Variants in FNDC7 observed in about 807,000 individuals in gnomAD.
The protein encoded by FNDC7 is fibronectin type III domain-containing protein 7.
In FNDC7, 66 loss-of-function variants were observed where a neutral mutation model predicts 74.2. That is an observed-to-expected ratio of 0.89 (90% CI 0.73 to 1.09). The LOEUF is 1.09. FNDC7 is among the 50% of genes least tolerant of loss of function. The pLI, the probability that FNDC7 is intolerant of heterozygous loss-of-function variation, is 0.00. For missense variants in FNDC7, 829 were observed against 893.4 expected (o/e 0.93, Z 0.92); for synonymous variants, 307 against 330.2 (o/e 0.93, Z 0.76).
intron 8 of FNDC7, 100 bp downstream of exon 8, chr1:108,728,986 G>C: frequency 7.1e-7 from 1 of 1,412,992 alleles, no homozygotes; most frequent in East Asian, 2.3e-5. Flanking sequence ...CAGTGCAACA[G>C]AAATACATTA....
chr1:108,727,864 A>T lies in FNDC7; in HGVS notation c.1168A>T (p.Ile390Phe). Residue 390 changes from isoleucine (I) to phenylalanine (F), a missense_variant, in exon 7 of 13, where the codon ATT (isoleucine) becomes TTT (phenylalanine). Ile to Phe is a conservative substitution (Grantham distance 21, BLOSUM62 0). Coordinates refer to ENST00000370017, the MANE Select transcript of FNDC7 (RefSeq NM_001144937.3). ...PVLVSSDRVE[I>F]VWSPVRGAEL... is the part of the protein sequence containing the mutation. ...GTTGGTGTCCAGTGACAGAGTTGAGATTGTCTGGTCTCCTGTCCGTGGTGC... is the reference window on the plus strand; with the variant it reads ...GTTGGTGTCCAGTGACAGAGTTGAGTTTGTCTGGTCTCCTGTCCGTGGTGC... The T allele has an allele frequency of 6.2e-7, 1 of 1,614,008 alleles. No individual in the cohort carries two copies. The highest frequency in any genetic ancestry group is 8.5e-7 in the Non-Finnish European group (1 of 1,180,008).
intron 2 of FNDC7, among the ~76,000 whole-genome samples, chr1:108,715,939 C>T (rs1301019026): frequency 1.3e-5 from 2 of 152,146 alleles, no homozygotes; most frequent in Non-Finnish European, 2.9e-5. Flanking sequence ...CACCACACAA[C>T]CCCGAGTTTC....
Position 108,725,770 on chromosome 1 carries a change from G to T in FNDC7, c.877G>T (p.Val293Leu). Reference sequence around the variant, plus strand: ...CCTAGTTGCTTGTGCACCCGGAAGAGTGACGATCCAAGAAGATCCCCCTGG... The same window carrying T: ...CCTAGTTGCTTGTGCACCCGGAAGATTGACGATCCAAGAAGATCCCCCTGG... Reference protein sequence around the residue: ...LKTVACAPGRVTIQEDPPGHL... With the variant: ...LKTVACAPGRLTIQEDPPGHL... Residue 293 changes from valine (V) to leucine (L), a missense_variant, in exon 6 of 13, where the codon GTG (valine) becomes TTG (leucine). Coordinates refer to ENST00000370017, the MANE Select transcript of FNDC7 (RefSeq NM_001144937.3). The T allele has an allele frequency of 6.2e-7, 1 of 1,614,116 alleles. No individual in the cohort carries two copies. The highest frequency in any genetic ancestry group is 8.5e-7 in the Non-Finnish European group (1 of 1,179,988).
intron 1 of FNDC7, 45 bp from the exon 2 acceptor site, chr1:108,713,466 T>C (rs1460561610): frequency 4.6e-6 from 7 of 1,523,914 alleles, no homozygotes. Flanking sequence ...TTGTTCAAGT[T>C]GTGTTTTTCT....
chr1:108,735,681 C>T (rs1164785012), intron 10 of FNDC7, among the ~76,000 whole-genome samples: 1 of 152,174 alleles, frequency 6.6e-6, no homozygotes, highest in South Asian at 2.1e-4. Context: ...ATTTTTCATA[C>T]TGTCTTTGAA....
chr1:108,727,252 G>A (rs958284509), intron 6 of FNDC7, among the ~76,000 whole-genome samples: 1 of 152,104 alleles, frequency 6.6e-6, no homozygotes, highest in Non-Finnish European at 1.5e-5. Flanking sequence ...TTGAACCCAG[G>A]AAGCAGAGGT....
At chr1:108,732,742 CTT>C (rs1661419472) in intron 9 of FNDC7, among the ~76,000 whole-genome samples, 2 of 150,906 alleles carry the variant, frequency 1.3e-5, no homozygotes, top group Non-Finnish European at 3.0e-5. Flanking sequence ...TCTCTTTTTT[CTT>C]TCTTTCTTTC....
At chr1:108,716,319 A>G (rs4970803) in intron 2 of FNDC7, among the ~76,000 whole-genome samples, 16,591 of 51,630 alleles carry the variant, frequency 0.32, 1,550 homozygotes, top group East Asian at 0.55. Context: ...AGCAGAAGAG[A>G]GGTGTGTGTG....
chr1:108,719,623 G>C (rs1231147826), intron 4 of FNDC7, among the ~76,000 whole-genome samples: 1 of 152,126 alleles, frequency 6.6e-6, no homozygotes, highest in Non-Finnish European at 1.5e-5. Context: ...CTCCAGCTGT[G>C]GGGAGAAGCT....
At position 108,725,736 on chromosome 1, in the gene FNDC7, T is replaced by C. The variant is rs1223684642; in HGVS notation, c.857-14T>C. 1.2e-6 allele frequency: 2 copies of C among 1,610,672 alleles called. No individual in the cohort carries two copies. Among genetic ancestry groups the C allele is most frequent in the South Asian group, 1.1e-5 (1 of 90,548 alleles). ...CCTGCAGTAGTCTCATGTTTATTAT[T>C]GATCATTTCCTAGTTGCTTGTGCAC... On this transcript the variant is annotated splice_polypyrimidine_tract_variant and intron_variant, in intron 5 of 12. Transcript: ENST00000370017.
intron 6 of FNDC7, among the ~76,000 whole-genome samples, 197 bp from the exon 7 acceptor site, chr1:108,727,611 A>G (rs1352373011): frequency 6.6e-6 from 1 of 152,070 alleles, no homozygotes; most frequent in Non-Finnish European, 1.5e-5. Flanking sequence ...AATGACCTTC[A>G]ATGTCATGCT....
chr1:108,742,022 A>G lies in FNDC7; in HGVS notation c.*135A>G. ...AGGAAAAGCTCCTTTGGCCTTTAGA[A>G]GAACAACTCTGACTCTGCTTCCTGA... is the stretch of plus-strand genomic sequence containing the variant. On this transcript the variant is annotated 3_prime_UTR_variant, in exon 13 of 13. Coordinates refer to ENST00000370017, the MANE Select transcript of FNDC7 (RefSeq NM_001144937.3). The G allele has an allele frequency of 1.7e-6, 1 of 584,616 alleles. No individual in the cohort carries two copies. Among genetic ancestry groups the G allele is most frequent in the Non-Finnish European group, 3.0e-6 (1 of 332,282 alleles). The allele number at this position is 584,616 out of a possible 1,614,324, so 36.2% of individuals were successfully genotyped here. A position where few individuals can be genotyped will look rare whatever the true frequency, so the allele number is the denominator to read the frequency against.
intron 2 of FNDC7, among the ~76,000 whole-genome samples, chr1:108,714,613 T>TTTC (rs1660935444): frequency 6.9e-6 from 1 of 144,892 alleles, no homozygotes; most frequent in East Asian, 2.0e-4. Flanking sequence ...GCATTTTTTT[T>TTTC]TTTTTTTTTT....
At chr1:108,716,052 AG>A (rs1175545544) in intron 2 of FNDC7, among the ~76,000 whole-genome samples, 2 of 152,112 alleles carry the variant, frequency 1.3e-5, no homozygotes, top group African/African-American at 4.8e-5. Flanking sequence ...GCCCCATGAC[AG>A]GCCTGTGGGG....
chr1:108,716,682 C>A (rs928245001), intron 2 of FNDC7, among the ~76,000 whole-genome samples: 3 of 152,036 alleles, frequency 2.0e-5, no homozygotes, highest in Non-Finnish European at 4.4e-5. Flanking sequence ...TTGTCTGTAT[C>A]GTGCACATAG....
chr1:108,720,911 G>A (rs1557787866), intron 4 of FNDC7, among the ~76,000 whole-genome samples: 1 of 152,170 alleles, frequency 6.6e-6, no homozygotes, highest in South Asian at 2.1e-4. Context: ...TATGAACTTG[G>A]AGGGAACTCA....
intron 4 of FNDC7, among the ~76,000 whole-genome samples, chr1:108,721,085 G>GCAGT (rs1661081598): frequency 1.3e-5 from 2 of 152,226 alleles, no homozygotes; most frequent in African/African-American, 4.8e-5. Context: ...AGCTGACCAT[G>GCAGT]CAGTGGGAAG....
Position 108,722,490 on chromosome 1 carries a change from A to G in FNDC7, c.754A>G (p.Thr252Ala), listed in dbSNP as rs1661115929. The change falls in exon 5 of 13, where the codon ACC (threonine) becomes GCC (alanine). Residue 252 changes from threonine to alanine, a missense_variant. By Grantham distance (58) the Thr-to-Ala change is moderately conservative (BLOSUM62 0). Transcript: ENST00000370017. ...CTGCAGTACAACTTTCAGTTCCTGC[A>G]CCATCTCTTCCCTCCAGTGTGGAAC... Reference protein sequence around the residue: ...LTCSTTFSSCTISSLQCGTEY... With the variant: ...LTCSTTFSSCAISSLQCGTEY... 1.9e-6 allele frequency: 3 copies of G among 1,614,108 alleles called. No homozygotes were observed. Among genetic ancestry groups the G allele is most frequent in the Admixed American group, 1.7e-5 (1 of 60,004 alleles).
chr1:108,722,815 G>A (rs1661123726), intron 5 of FNDC7, among the ~76,000 whole-genome samples: 1 of 152,214 alleles, frequency 6.6e-6, no homozygotes, highest in South Asian at 2.1e-4. Context: ...AGGAGGCCTG[G>A]TTTCTATTCC....
Sources: gnomAD v4.1 joint callset for allele counts (sites outside exome capture counted in the v4.1 genomes callset) on GRCh38, gnomAD v4.1.1 for gene constraint, MANE v1.5 for transcripts, NCBI Gene and HGNC (gene_info 2026-07-23, HGNC 2026-07-21) for gene names.